GALNT17: variants seen among roughly 807,000 people sequenced by gnomAD.
GALNT17 encodes the protein UDP-GalNAc:polypeptide N-acetylgalactosaminyltransferase-like 3.
In GALNT17, 29 loss-of-function variants were observed where a neutral mutation model predicts 63.7. The ratio of observed to expected loss-of-function variants is 0.46; its 90% CI spans 0.34 to 0.62. The LOEUF is 0.62. Among genes scored for constraint, GALNT17 ranks in the 20% least tolerant of loss-of-function variants. The probability of loss-of-function intolerance (pLI) is 0.01; values close to 1 mark genes in which losing one functional copy is unlikely to be tolerated. For synonymous variants in GALNT17, 305 were observed against 318.3 expected (o/e 0.96, Z 0.45); for missense variants, 603 against 799.6 (o/e 0.75, Z 2.97).
chr7:71,630,015 A>T (rs968284300), intron 6 of GALNT17, among the ~76,000 whole-genome samples: 2 of 151,686 alleles, frequency 1.3e-5, no homozygotes, highest in Non-Finnish European at 2.9e-5. Context: ...TTATATCGTA[A>T]CTTTGTGCTG....
chr7:71,162,103 T>C (rs879598930), intron 1 of GALNT17, among the ~76,000 whole-genome samples: 3,623 of 73,826 alleles, frequency 0.049, 98 homozygotes, highest in Non-Finnish European at 0.059. Flanking sequence ...CTCCCTCCCT[T>C]CCTTCCTCCC....
chr7:71,676,889 G>A (rs1181373599), intron 8 of GALNT17, among the ~76,000 whole-genome samples: 2 of 152,134 alleles, frequency 1.3e-5, no homozygotes, highest in African/African-American at 4.8e-5. Context: ...CTGTTTAGAA[G>A]TCTAAGATCG....
chr7:71,607,583 T>G (rs1220694772), intron 6 of GALNT17, among the ~76,000 whole-genome samples: 1 of 152,218 alleles, frequency 6.6e-6, no homozygotes, highest in Non-Finnish European at 1.5e-5. Context: ...ATTTGTTTGT[T>G]GTTAATTTCC....
chr7:71,145,031 G>T lies in GALNT17; in HGVS notation c.238+11991G>T, dbSNP rs1011539970. Among the ~76,000 whole-genome samples, 18 of 152,216 alleles carry T rather than the reference G, an allele frequency of 1.2e-4. No homozygotes were observed. The East Asian group carries it at 2.7e-3, about 23-fold the overall frequency. On this transcript the variant is annotated intron_variant, in intron 1 of 10. Transcript: ENST00000333538. ...GTGTGAGCCACTGTGCCCATCTTGGGCTGGGGTTTTTAAGGGGATCATGGA... is the reference window on the plus strand; with the variant it reads ...GTGTGAGCCACTGTGCCCATCTTGGTCTGGGGTTTTTAAGGGGATCATGGA...
intron 5 of GALNT17, among the ~76,000 whole-genome samples, chr7:71,528,555 A>G (rs1295430862): frequency 6.6e-6 from 1 of 152,118 alleles, no homozygotes; most frequent in Non-Finnish European, 1.5e-5. Context: ...AGTAGTACCT[A>G]TGGGGTCCAT....
At chr7:71,587,535 C>G (rs550341939) in intron 6 of GALNT17, among the ~76,000 whole-genome samples, 1 of 151,870 alleles carries the variant, frequency 6.6e-6, no homozygotes, top group Non-Finnish European at 1.5e-5. Context: ...GTGATATGTA[C>G]TATGTGAATA....
At chr7:71,568,929 T>C (rs1317844845) in intron 5 of GALNT17, among the ~76,000 whole-genome samples, 1 of 152,186 alleles carries the variant, frequency 6.6e-6, no homozygotes, top group African/African-American at 2.4e-5. Context: ...ACTGCACATA[T>C]ATGCATGTGT....
At chr7:71,399,903 A>G (rs1482658035) in intron 3 of GALNT17, among the ~76,000 whole-genome samples, 2 of 152,106 alleles carry the variant, frequency 1.3e-5, no homozygotes, top group Non-Finnish European at 2.9e-5. Context: ...ATGTTTATAT[A>G]TTTTTTAGAG....
intron 2 of GALNT17, among the ~76,000 whole-genome samples, chr7:71,357,500 A>G (rs779501062): frequency 2.4e-4 from 37 of 152,248 alleles, no homozygotes; most frequent in Non-Finnish European, 4.3e-4. Context: ...TGAAGAGGAC[A>G]CTAAGTTTTC....
chr7:71,713,038 T>C lies in GALNT17; in HGVS notation c.*892T>C, dbSNP rs1791818378. The C allele has an allele frequency of 6.5e-6, 1 of 152,674 alleles. No homozygotes were observed. Among genetic ancestry groups the C allele is most frequent in the Non-Finnish European group, 1.5e-5 (1 of 68,082 alleles). The allele number at this position is 152,674 out of a possible 1,614,324, so 9.5% of individuals were successfully genotyped here. On this transcript the variant is annotated 3_prime_UTR_variant, in exon 11 of 11. Transcript: ENST00000333538. ...CAGGACCCTTGAAGATGCTTTTGGC[T>C]CACCTCATTTCACCCCACGCTCTGC...
intron 6 of GALNT17, among the ~76,000 whole-genome samples, chr7:71,624,558 A>G (rs1162391152): frequency 6.6e-6 from 1 of 152,262 alleles, no homozygotes; most frequent in Non-Finnish European, 1.5e-5. Flanking sequence ...TCACTGCTGT[A>G]GAGCACCCTT....
At chr7:71,615,478 T>C (rs970545481) in intron 6 of GALNT17, among the ~76,000 whole-genome samples, 27 of 138,648 alleles carry the variant, frequency 1.9e-4, no homozygotes, top group East Asian at 1.6e-3. Context: ...CTTTTTTTTT[T>C]TTTTTTTTTT....
chr7:71,705,800 C>A (rs57544667), intron 9 of GALNT17, among the ~76,000 whole-genome samples: 1 of 152,086 alleles, frequency 6.6e-6, no homozygotes, highest in South Asian at 2.1e-4. Context: ...AAAGTTGAAG[C>A]CAGAACATTC....
At chr7:71,331,370 G>A (rs1272477330) in intron 1 of GALNT17, among the ~76,000 whole-genome samples, 1 of 152,116 alleles carries the variant, frequency 6.6e-6, no homozygotes, top group East Asian at 1.9e-4. Flanking sequence ...CTGCCTCAGA[G>A]CCCGGCCTTT....
chr7:71,549,155 T>A (rs1177484794), intron 5 of GALNT17, among the ~76,000 whole-genome samples: 2 of 152,108 alleles, frequency 1.3e-5, no homozygotes, highest in East Asian at 3.9e-4. Flanking sequence ...TCGAGCAGAG[T>A]CGCCAGTCTT....
chr7:71,230,848 T>A (rs1789775206), intron 1 of GALNT17, among the ~76,000 whole-genome samples: 1 of 152,118 alleles, frequency 6.6e-6, no homozygotes, highest in South Asian at 2.1e-4. Flanking sequence ...GTTTTCAAAG[T>A]GTGTGCCCCA....
intron 2 of GALNT17, among the ~76,000 whole-genome samples, chr7:71,350,016 T>C (rs748013605): frequency 1.3e-5 from 2 of 152,224 alleles, no homozygotes; most frequent in African/African-American, 4.8e-5. Flanking sequence ...AATAAATATT[T>C]GGAACCCTGG....
intron 1 of GALNT17, among the ~76,000 whole-genome samples, chr7:71,290,731 C>T (rs1583833335): frequency 6.6e-6 from 1 of 152,316 alleles, no homozygotes; most frequent in Non-Finnish European, 1.5e-5. Flanking sequence ...CCTGAAGTTC[C>T]ATTTGCATGT....
At chr7:71,438,286 G>A (rs1787003024) in intron 5 of GALNT17, among the ~76,000 whole-genome samples, 1 of 152,320 alleles carries the variant, frequency 6.6e-6, no homozygotes, top group East Asian at 1.9e-4. Flanking sequence ...TTGAGGGCAG[G>A]AAGCATCCAG....
Sources: allele counts gnomAD v4.1 joint callset (sites outside exome capture counted in the v4.1 genomes callset), GRCh38; gene constraint gnomAD v4.1.1; transcripts MANE v1.5; gene names NCBI Gene and HGNC (gene_info 2026-07-23, HGNC 2026-07-21).